Variants in FOCAD observed in about 807,000 individuals in gnomAD.
FOCAD encodes focadhesin.
Under a neutral mutation model 225.6 loss-of-function variants are expected in FOCAD, and 198 were observed. The ratio of observed to expected loss-of-function variants is 0.88; its 90% CI spans 0.78 to 0.99. FOCAD has a LOEUF of 0.99. FOCAD is among the 50% of genes least tolerant of loss of function. The pLI is 0.00. For missense variants in FOCAD, 2,713 were observed against 2,123.6 expected, an observed-to-expected ratio of 1.28 and a Z score of -5.46; for synonymous variants, 897 against 755.0, an observed-to-expected ratio of 1.19 and a Z score of -3.08.
intron 38 of FOCAD, 69 bp downstream of exon 38, chr9:20,981,755 G>C: frequency 6.6e-7 from 1 of 1,513,710 alleles, no homozygotes; most frequent in Non-Finnish European, 8.9e-7. Context: ...TCTTGGCAAA[G>C]TGGGGAGGTG....
chr9:20,743,940 T>C (rs1827834087), intron 5 of FOCAD, among the ~76,000 whole-genome samples: 1 of 152,180 alleles, frequency 6.6e-6, no homozygotes, highest in Non-Finnish European at 1.5e-5. Context: ...TGTATCTTCC[T>C]AAGTACCAAG....
At chr9:20,770,515 C>G (rs1365910926) in intron 8 of FOCAD, among the ~76,000 whole-genome samples, 3 of 152,192 alleles carry the variant, frequency 2.0e-5, no homozygotes, top group African/African-American at 4.8e-5. Flanking sequence ...ATCTCAATCA[C>G]TATCACAAGA....
At chr9:20,811,948 A>G (rs1038819720) in intron 11 of FOCAD, among the ~76,000 whole-genome samples, 8 of 152,058 alleles carry the variant, frequency 5.3e-5, no homozygotes, top group African/African-American at 7.2e-5. Flanking sequence ...TATCTTTTCA[A>G]TTTAACTGAA....
At chr9:20,863,375 C>G (rs543047465) in intron 16 of FOCAD, 1 of 152,038 alleles carries the variant, frequency 6.6e-6, no homozygotes, top group African/African-American at 2.4e-5. Flanking sequence ...TGATAAACTG[C>G]CACTCCAGCC....
At position 20,939,011 on chromosome 9, in the gene FOCAD, G is replaced by A. The variant is rs180807899; in HGVS notation, c.3408-5616G>A. ...AATACAGAAAAAAAATTAGCAGGGC[G>A]TGGTTGCAGGCGCCTGTAGTCCCAG... is the stretch of plus-strand genomic sequence containing the variant. On this transcript the variant is annotated intron_variant, in intron 28 of 43. Coordinates refer to ENST00000338382, the MANE Select transcript of FOCAD (RefSeq NM_001375567.1). Among the ~76,000 whole-genome samples the A allele has an allele frequency of 7.9e-3, 1,204 of 151,452 alleles. 15 individuals carry two copies. Among genetic ancestry groups the A allele is most frequent in the Middle Eastern group, 0.024 (7 of 294 alleles).
At chr9:20,754,461 A>G (rs748666505) in intron 5 of FOCAD, among the ~76,000 whole-genome samples, 16 of 151,936 alleles carry the variant, frequency 1.1e-4, no homozygotes, top group East Asian at 5.8e-4. Flanking sequence ...TTTGATAACT[A>G]TATTTCCATA....
chr9:20,905,740 G>A lies in FOCAD; in HGVS notation c.2626-1410G>A, dbSNP rs150488391. Among the ~76,000 whole-genome samples the A allele has an allele frequency of 4.2e-3, 640 of 152,090 alleles. 3 individuals are homozygous for A. The highest frequency in any genetic ancestry group is 7.1e-3 in the Non-Finnish European group (482 of 67,942). On this transcript the variant is annotated intron_variant, in intron 21 of 43. Coordinates refer to ENST00000338382, the MANE Select transcript of FOCAD (RefSeq NM_001375567.1). ...CTTGCCAGCTGGAAATAGAGCCTAG[G>A]TTGTAGTTTGCCACCTGGATAACAG...
At chr9:20,919,315 C>T (rs908120860) in intron 24 of FOCAD, among the ~76,000 whole-genome samples, 1 of 152,046 alleles carries the variant, frequency 6.6e-6, no homozygotes, top group Non-Finnish European at 1.5e-5. Flanking sequence ...AAATAAAAGA[C>T]GATACAAACA....
At chr9:20,820,556 G>A (rs1824211506) in intron 13 of FOCAD, 131 bp downstream of exon 13, 1 of 696,736 alleles carries the variant, frequency 1.4e-6, no homozygotes, top group Non-Finnish European at 2.3e-6. Flanking sequence ...CATTGAAAAA[G>A]TTTTGATTTA....
intron 4 of FOCAD, among the ~76,000 whole-genome samples, chr9:20,723,307 G>A (rs911226382): frequency 1.3e-5 from 2 of 152,210 alleles, no homozygotes; most frequent in African/African-American, 4.8e-5. Flanking sequence ...GGCCAACATG[G>A]TGAAACCCTG....
rs755671239 is a variant in FOCAD at position 20,988,334 on chromosome 9, G to C, written c.4909G>C (p.Val1637Leu). 6.3e-7 allele frequency: 1 copy of C among 1,596,728 alleles called. No individual in the cohort carries two copies. The highest frequency in any genetic ancestry group is 1.1e-5 in the South Asian group (1 of 89,412). Residue 1637 changes from valine (V) to leucine (L), a missense_variant and splice_region_variant, in exon 41 of 44, where the codon GTT becomes CTT. Transcript: ENST00000338382. ...AGAAAATACCCTTTTCATTTCAGGC[G>C]TTTTGAAGAGAATGGAGTGGCTCTT... The part of the protein sequence containing the change: ...ARIVSHANTG[V>L]LKRMEWLLEL...
intron 4 of FOCAD, among the ~76,000 whole-genome samples, chr9:20,736,424 C>T (rs1827156915): frequency 6.6e-6 from 1 of 152,170 alleles, no homozygotes; most frequent in African/African-American, 2.4e-5. Flanking sequence ...TTTATGAAAT[C>T]ATACAGAATT....
At position 20,874,470 on chromosome 9, in the gene FOCAD, T is replaced by G. The variant is rs139588407; in HGVS notation, c.2191-211T>G. 2,185 of 490,888 alleles carry G rather than the reference T, an allele frequency of 4.5e-3. 10 individuals are homozygous for G. Among genetic ancestry groups the G allele is most frequent in the Non-Finnish European group, 5.3e-3 (1,492 of 281,178 alleles). 30.4% of individuals were successfully genotyped at this position (490,888 alleles called of 1,614,324 possible). On this transcript the variant is annotated intron_variant, in intron 18 of 43. Transcript: ENST00000338382. ...ATAAGCTTTTTATACAGATCTGAGATTGTATCTAATAAGATGACTAGAGTC... is the reference window on the plus strand; with the variant it reads ...ATAAGCTTTTTATACAGATCTGAGAGTGTATCTAATAAGATGACTAGAGTC...
chr9:20,687,610 G>A (rs1563876995), intron 1 of FOCAD, among the ~76,000 whole-genome samples: 3 of 152,132 alleles, frequency 2.0e-5, no homozygotes, highest in Non-Finnish European at 4.4e-5. Context: ...AAGAATGGAG[G>A]AAACTTTTTA....
upstream of FOCAD, chr9:20,658,192 A>G (rs1821574884): frequency 6.6e-6 from 1 of 152,370 alleles, no homozygotes; most frequent in South Asian, 2.1e-4. Flanking sequence ...GCTGTCAGAC[A>G]GGGACACTTA....
intron 19 of FOCAD, 136 bp from the exon 20 acceptor site, chr9:20,881,735 T>A: frequency 6.4e-6 from 5 of 780,988 alleles, no homozygotes. Flanking sequence ...GGGATAGGTA[T>A]CAAGAGGTCT....
At chr9:20,985,414 T>G (rs899700197) in intron 39 of FOCAD, among the ~76,000 whole-genome samples, 1 of 152,248 alleles carries the variant, frequency 6.6e-6, no homozygotes, top group Admixed American at 6.5e-5. Flanking sequence ...TCCAAAAATC[T>G]AATTTTCTCT....
At chr9:20,709,902 A>G (rs1214538335) in intron 1 of FOCAD, among the ~76,000 whole-genome samples, 1 of 152,212 alleles carries the variant, frequency 6.6e-6, no homozygotes, top group Admixed American at 6.5e-5. Context: ...TAAAAACAAC[A>G]CTGTTTTTCC....
rs1418863239 is a variant in FOCAD at position 20,767,261 on chromosome 9, T to G, written c.699+2188T>G. ...TGGGTTGGTTCCAAGTCTTTGCTAT[T>G]GTGAATAATGCCGCAATAAACATAC... On this transcript the variant is annotated intron_variant, in intron 7 of 43. Transcript: ENST00000338382. 2.8e-4 allele frequency among the ~76,000 whole-genome samples: 42 copies of G among 151,210 alleles called. No homozygotes were observed. In the South Asian group the frequency reaches 8.7e-3, roughly 31 times the overall value.
Sources: gnomAD v4.1 joint callset for allele counts (sites outside exome capture counted in the v4.1 genomes callset) on GRCh38, gnomAD v4.1.1 for gene constraint, MANE v1.5 for transcripts, NCBI Gene and HGNC (gene_info 2026-07-23, HGNC 2026-07-21) for gene names.